The following UBE2U variants were observed in gnomAD, a reference collection of about 807,000 sequenced individuals.
UBE2U encodes ubiquitin-conjugating enzyme E2 U.
UBE2U carries 39 observed loss-of-function variants against 41.2 expected under a neutral mutation model. That is an observed-to-expected ratio of 0.95 (90% confidence interval 0.73 to 1.24). The LOEUF is 1.24. Among genes scored for constraint, UBE2U ranks in the 50% most tolerant of loss-of-function variants. UBE2U has a pLI of 0.00. For synonymous variants in UBE2U, 107 were observed against 117.8 expected, an observed-to-expected ratio of 0.91 and a Z score of 0.60; for missense variants, 336 against 363.1, an observed-to-expected ratio of 0.93 and a Z score of 0.61.
At position 64,204,014 on chromosome 1, in the gene UBE2U, C is replaced by A; in HGVS notation, c.-37C>A. On this transcript the variant is annotated 5_prime_UTR_variant, in exon 1 of 10. Coordinates refer to ENST00000371077, the MANE Select transcript of UBE2U (RefSeq NM_001366232.2). ...CATCTGCCTCAGAGTAAACCTGAGG[C>A]ATTTGGGGACAAGTGTCAGACCCTC... The A allele has an allele frequency of 3.7e-6, 6 of 1,601,366 alleles. No homozygotes were observed. The highest frequency in any genetic ancestry group is 5.1e-6 in the Non-Finnish European group (6 of 1,171,072).
At chr1:64,226,549 A>G (rs373867611) in intron 6 of UBE2U, among the ~76,000 whole-genome samples, 7 of 152,198 alleles carry the variant, frequency 4.6e-5, no homozygotes, top group African/African-American at 1.2e-4. Flanking sequence ...TTAAAAAGCT[A>G]TTCAAGCCAG....
rs1645158470 is a variant in UBE2U, at chr1:64,260,085, T to C, written c.678-518T>C. Among the ~76,000 whole-genome samples the C allele has an allele frequency of 2.0e-5, 3 of 151,292 alleles. No homozygotes were observed. The Admixed American group carries it at 2.0e-4, about 10-fold the overall frequency. On this transcript the variant is annotated intron_variant, in intron 8 of 9. Transcript: ENST00000371077. Reference sequence around the variant, plus strand: ...GTGACATTGGAAGCAGAGACTGGAGTGATGCAGCTATAAGCCATACAATGT... The same window carrying C: ...GTGACATTGGAAGCAGAGACTGGAGCGATGCAGCTATAAGCCATACAATGT...
In UBE2U at chr1:64,267,100, G is replaced by C; in HGVS notation, c.846G>C (p.Lys282Asn). The C allele has an allele frequency of 3.9e-6, 6 of 1,550,444 alleles. No homozygotes were observed. Among genetic ancestry groups the C allele is most frequent in the Non-Finnish European group, 5.2e-6 (6 of 1,146,960 alleles). The change falls in exon 10 of 10, where the codon AAG becomes AAC. Residue 282 changes from lysine to asparagine, a missense_variant. Transcript: ENST00000371077. The part of the protein sequence containing the change: ...DIYETEEEGW[K>N]SDTSLYENDT... Reference sequence around the variant, plus strand: ...ATGAAACAGAAGAGGAGGGGTGGAAGAGTGACACTTCATTATATGAAAATG... The same window carrying C: ...ATGAAACAGAAGAGGAGGGGTGGAACAGTGACACTTCATTATATGAAAATG...
intron 3 of UBE2U, among the ~76,000 whole-genome samples, chr1:64,210,219 T>G (rs190105244): frequency 3.9e-5 from 6 of 152,346 alleles, no homozygotes; most frequent in Non-Finnish European, 8.8e-5. Flanking sequence ...TTTTCTTATT[T>G]AACTCTATTA....
chr1:64,258,935 C>T, intron 8 of UBE2U, among the ~76,000 whole-genome samples: 1 of 152,178 alleles, frequency 6.6e-6, no homozygotes, highest in East Asian at 1.9e-4. Context: ...TACACTCCCA[C>T]CAACAGTGTA....
intron 7 of UBE2U, among the ~76,000 whole-genome samples, chr1:64,233,002 T>G (rs1260915781): frequency 1.3e-5 from 2 of 151,400 alleles, no homozygotes; most frequent in African/African-American, 4.9e-5. Context: ...GGCTAATTTT[T>G]TATTTTTACT....
chr1:64,259,955 A>T (rs1024256309), intron 8 of UBE2U, among the ~76,000 whole-genome samples: 2 of 151,636 alleles, frequency 1.3e-5, no homozygotes, highest in African/African-American at 2.4e-5. Context: ...TATAAATAGT[A>T]ATTAGTTAAG....
At chr1:64,233,164 C>G (rs186172046) in intron 7 of UBE2U, among the ~76,000 whole-genome samples, 3 of 152,122 alleles carry the variant, frequency 2.0e-5, no homozygotes, top group African/African-American at 7.2e-5. Context: ...TCTGCCACCA[C>G]GCCCAGCTAA....
At chr1:64,230,523 A>G (rs1644543242) in intron 6 of UBE2U, among the ~76,000 whole-genome samples, 1 of 152,072 alleles carries the variant, frequency 6.6e-6, no homozygotes, top group African/African-American at 2.4e-5. Context: ...CTGTGTGTAC[A>G]TATGTGCACG....
chr1:64,257,153 A>T (rs1645106599), intron 8 of UBE2U, among the ~76,000 whole-genome samples: 1 of 152,224 alleles, frequency 6.6e-6, no homozygotes. Context: ...ACACTTTTAC[A>T]CTGTTGGTGG....
At chr1:64,230,913 T>G (rs984160747) in intron 6 of UBE2U, among the ~76,000 whole-genome samples, 1 of 152,208 alleles carries the variant, frequency 6.6e-6, no homozygotes, top group Non-Finnish European at 1.5e-5. Context: ...TTCCCATCAT[T>G]GGTTGAAACT....
At chr1:64,262,942 A>AGT (rs928188633) in intron 9 of UBE2U, among the ~76,000 whole-genome samples, 1 of 152,180 alleles carries the variant, frequency 6.6e-6, no homozygotes, top group African/African-American at 2.4e-5. Context: ...TCCACAGCAC[A>AGT]GTGGTTGGCA....
intron 8 of UBE2U, among the ~76,000 whole-genome samples, chr1:64,250,265 C>A (rs1216030329): frequency 6.6e-6 from 1 of 152,142 alleles, no homozygotes; most frequent in Admixed American, 6.5e-5. Context: ...TGAAAGGCAA[C>A]ATCTACCAAG....
At chr1:64,250,907 C>G (rs1288946168) in intron 8 of UBE2U, among the ~76,000 whole-genome samples, 2 of 117,114 alleles carry the variant, frequency 1.7e-5, no homozygotes, top group Non-Finnish European at 3.4e-5. Flanking sequence ...ACACCAAGGC[C>G]TGTCGTGGGG....
intron 6 of UBE2U, among the ~76,000 whole-genome samples, chr1:64,229,713 G>A (rs946401717): frequency 6.6e-6 from 1 of 152,186 alleles, no homozygotes; most frequent in African/African-American, 2.4e-5. Context: ...CCTTGAAATA[G>A]CACTGCCATG....
chr1:64,239,268 A>G (rs765795446), intron 7 of UBE2U, among the ~76,000 whole-genome samples: 35 of 152,088 alleles, frequency 2.3e-4, no homozygotes, highest in South Asian at 6.2e-4. Context: ...AGCTCAGAAC[A>G]ATAATAAGAA....
At chr1:64,232,841 T>C (rs1302561029) in intron 7 of UBE2U, among the ~76,000 whole-genome samples, 192 bp downstream of exon 7, 2 of 152,156 alleles carry the variant, frequency 1.3e-5, no homozygotes, top group Non-Finnish European at 2.9e-5. Flanking sequence ...TTTTAACTTT[T>C]TGTCTTGGAG....
intron 7 of UBE2U, among the ~76,000 whole-genome samples, chr1:64,233,433 T>C (rs1644608957): frequency 6.6e-6 from 1 of 152,290 alleles, no homozygotes; most frequent in Middle Eastern, 3.4e-3. Context: ...TATAGAGCCC[T>C]GGACTGAAGT....
intron 8 of UBE2U, among the ~76,000 whole-genome samples, chr1:64,250,925 AG>A (rs36036084): frequency 6.9e-5 from 7 of 101,386 alleles, no homozygotes; most frequent in Non-Finnish European, 1.2e-4. Context: ...GGGTGGGGGG[AG>A]GGGGGAGGTA....
Sources: allele counts gnomAD v4.1 joint callset (sites outside exome capture counted in the v4.1 genomes callset), GRCh38; gene constraint gnomAD v4.1.1; transcripts MANE v1.5; gene names NCBI Gene and HGNC (gene_info 2026-07-23, HGNC 2026-07-21).